Variants in THRB observed in about 807,000 individuals in gnomAD.
THRB encodes the protein nuclear receptor subfamily 1 group A member 2.
A neutral mutation model predicts 47.8 loss-of-function variants in THRB; 12 were observed. The ratio of observed to expected loss-of-function variants is 0.25; its 90% CI spans 0.16 to 0.41. THRB has a LOEUF of 0.41. Ranked by LOEUF, THRB falls within the 10% of genes least tolerant of loss-of-function variation. The pLI, the probability that THRB is intolerant of heterozygous loss-of-function variation, is 1.00. For synonymous variants in THRB, 218 were observed against 212.2 expected, an observed-to-expected ratio of 1.03 and a Z score of -0.24; for missense variants, 348 against 589.2, an observed-to-expected ratio of 0.59 and a Z score of 4.24.
chr3:24,359,145 G>A (rs1378138654), intron 1 of THRB, among the ~76,000 whole-genome samples: 2 of 152,118 alleles, frequency 1.3e-5, no homozygotes, highest in East Asian at 3.9e-4. Flanking sequence ...GGCTTCGTTG[G>A]ATGGTTCTTC....
intron 1 of THRB, among the ~76,000 whole-genome samples, chr3:24,419,448 T>C (rs2069043214): frequency 6.6e-6 from 1 of 151,894 alleles, no homozygotes; most frequent in African/African-American, 2.4e-5. Context: ...CTTCCTGCCC[T>C]GGGCATTAAA....
At chr3:24,162,537 C>T (rs2039020408) in intron 5 of THRB, among the ~76,000 whole-genome samples, 1 of 152,074 alleles carries the variant, frequency 6.6e-6, no homozygotes, top group Admixed American at 6.6e-5. Flanking sequence ...TTTTAGGCCT[C>T]CTCAATGTGA....
chr3:24,198,585 G>A (rs2044250326), intron 4 of THRB, among the ~76,000 whole-genome samples: 2 of 151,142 alleles, frequency 1.3e-5, no homozygotes, highest in Admixed American at 1.3e-4. Flanking sequence ...CGAACATTCT[G>A]GACTCTCCCA....
chr3:24,267,176 T>C (rs952210932), intron 3 of THRB, among the ~76,000 whole-genome samples: 2 of 151,792 alleles, frequency 1.3e-5, no homozygotes, highest in African/African-American at 4.8e-5. Context: ...CAGTGAGGAA[T>C]ATAAAGCTAA....
intron 4 of THRB, among the ~76,000 whole-genome samples, chr3:24,199,764 T>C (rs1416327750): frequency 6.6e-6 from 1 of 152,218 alleles, no homozygotes; most frequent in Non-Finnish European, 1.5e-5. Context: ...TAATCTGAAG[T>C]GCAGCCTGAA....
chr3:24,340,832 T>C (rs372669939), intron 1 of THRB, among the ~76,000 whole-genome samples: 1 of 152,220 alleles, frequency 6.6e-6, no homozygotes, highest in Admixed American at 6.5e-5. Context: ...ATTTATCTAT[T>C]TGATAGCAGA....
intron 3 of THRB, among the ~76,000 whole-genome samples, chr3:24,241,171 T>C (rs1165175797): frequency 2.0e-5 from 3 of 152,188 alleles, no homozygotes; most frequent in South Asian, 2.1e-4. Flanking sequence ...TTCCAAAAGA[T>C]TGGCTTTGCA....
intron 1 of THRB, among the ~76,000 whole-genome samples, chr3:24,415,206 C>T (rs1434065743): frequency 6.6e-6 from 1 of 151,804 alleles, no homozygotes; most frequent in African/African-American, 2.4e-5. Flanking sequence ...CAGGTGTTCC[C>T]TGGATCTCTG....
intron 1 of THRB, among the ~76,000 whole-genome samples, chr3:24,362,684 C>T (rs557889273): frequency 6.6e-6 from 1 of 152,154 alleles, no homozygotes; most frequent in African/African-American, 2.4e-5. Flanking sequence ...ACTTGATAAA[C>T]ATTTTTAGAA....
intron 1 of THRB, among the ~76,000 whole-genome samples, chr3:24,442,031 G>A (rs907863816): frequency 1.3e-5 from 2 of 152,036 alleles, no homozygotes; most frequent in Admixed American, 6.6e-5. Flanking sequence ...AACTTTGTGG[G>A]CTAAATTTTT....
At position 24,276,542 on chromosome 3, in the gene THRB, T is replaced by C. The variant is rs144533017; in HGVS notation, c.-43+20684A>G. Among the ~76,000 whole-genome samples, 397 of 152,306 alleles carry C rather than the reference T, an allele frequency of 2.6e-3. 9 individuals are homozygous for C. The highest frequency in any genetic ancestry group is 0.025 in the East Asian group (128 of 5,186). ...AGGAATAATGATACAGCCTGCCTCA[T>C]TGGTGAAGGTATGAGGAAATGAATT... is the stretch of plus-strand genomic sequence containing the variant. On this transcript the variant is annotated intron_variant, in intron 3 of 10. Transcript: ENST00000646209.
At chr3:24,327,236 C>T (rs986097609) in intron 2 of THRB, among the ~76,000 whole-genome samples, 42 of 151,966 alleles carry the variant, frequency 2.8e-4, no homozygotes, top group African/African-American at 9.4e-4. Context: ...CTATTTTGTT[C>T]ATCCAAGTAA....
chr3:24,200,305 C>A (rs946926566), intron 4 of THRB, among the ~76,000 whole-genome samples: 1 of 152,074 alleles, frequency 6.6e-6, no homozygotes, highest in Non-Finnish European at 1.5e-5. Context: ...TTTTATGCTC[C>A]CAAACATGAA....
intron 3 of THRB, among the ~76,000 whole-genome samples, chr3:24,293,974 A>C (rs1291574170): frequency 1.3e-5 from 2 of 152,196 alleles, no homozygotes; most frequent in Non-Finnish European, 2.9e-5. Context: ...GCCACCCTGC[A>C]TGTCTCTGGC....
chr3:24,379,096 G>A (rs761628979), intron 1 of THRB, among the ~76,000 whole-genome samples: 2 of 152,040 alleles, frequency 1.3e-5, no homozygotes, highest in African/African-American at 4.8e-5. Flanking sequence ...CAAAGACTGT[G>A]CATTTAAGCA....
At chr3:24,233,522 G>C (rs916272517) in intron 3 of THRB, among the ~76,000 whole-genome samples, 1 of 111,112 alleles carries the variant, frequency 9.0e-6, no homozygotes. Context: ...AGGAGGGAAG[G>C]AAGGAAGGAA....
At chr3:24,395,296 G>C (rs750206676) in intron 1 of THRB, among the ~76,000 whole-genome samples, 1 of 152,036 alleles carries the variant, frequency 6.6e-6, no homozygotes, top group Non-Finnish European at 1.5e-5. Flanking sequence ...AAACTTTTGT[G>C]CTTCAGTGAA....
intron 10 of THRB, among the ~76,000 whole-genome samples, chr3:24,125,059 A>T (rs925991590): frequency 4.6e-5 from 7 of 152,214 alleles, no homozygotes; most frequent in African/African-American, 7.2e-5. Context: ...AGTTTTTGTC[A>T]TCTCCACCTA....
intron 1 of THRB, among the ~76,000 whole-genome samples, chr3:24,365,042 T>C (rs1252794769): frequency 1.3e-5 from 2 of 152,208 alleles, no homozygotes; most frequent in Admixed American, 1.3e-4. Flanking sequence ...GTGGATTTTG[T>C]ATACCTTGTA....
Sources: gnomAD v4.1 joint callset for allele counts (sites outside exome capture counted in the v4.1 genomes callset) on GRCh38, gnomAD v4.1.1 for gene constraint, MANE v1.5 for transcripts, NCBI Gene and HGNC (gene_info 2026-07-23, HGNC 2026-07-21) for gene names.